SLC26A3: variants seen among roughly 807,000 people sequenced by gnomAD.
SLC26A3 encodes the protein solute carrier family 26 member 3.
Under a neutral mutation model 85.6 loss-of-function variants are expected in SLC26A3, and 64 were observed. The observed-to-expected ratio is 0.75, with a 90% CI of 0.61 to 0.92. SLC26A3 has a LOEUF of 0.92. Ranked by LOEUF, SLC26A3 falls within the 40% of genes least tolerant of loss-of-function variation. SLC26A3 has a pLI of 0.00. For synonymous variants in SLC26A3, 349 were observed against 336.0 expected, an observed-to-expected ratio of 1.04 and a Z score of -0.42; for missense variants, 922 against 927.3, an observed-to-expected ratio of 0.99 and a Z score of 0.07.
In SLC26A3 at chr7:107,789,594, A is replaced by G; in HGVS notation, c.665T>C (p.Leu222Ser). The G allele has an allele frequency of 6.2e-7, 1 of 1,614,164 alleles. No individual in the cohort carries two copies. The highest frequency in any genetic ancestry group is 8.5e-7 in the Non-Finnish European group (1 of 1,180,006). The change falls in exon 6 of 21, where the codon TTG becomes TCG. Residue 222 changes from leucine (L) to serine (S), a missense_variant. Leu to Ser is a moderately radical substitution (Grantham distance 145, BLOSUM62 -2). Transcript: ENST00000340010. ...AAAAATGAATTTGAGTTGGGAAACC[A>G]AAACATGAACAGCAGCAGCAGTAGT... Reference protein sequence around the residue: ...GFTTAAAVHVLVSQLKFIFQL... With the variant: ...GFTTAAAVHVSVSQLKFIFQL...
intron 15 of SLC26A3, among the ~76,000 whole-genome samples, chr7:107,775,540 C>T (rs2115817888): frequency 6.6e-6 from 1 of 152,038 alleles, no homozygotes; most frequent in South Asian, 2.1e-4. Context: ...GCCTGGGCAA[C>T]AAAGCAAGCC....
rs1203528953 is a variant in SLC26A3 at position 107,782,801 on chromosome 7, T to G, written c.1307A>C (p.Gln436Pro). Residue 436 changes from glutamine (Q) to proline (P), a missense_variant, in exon 11 of 21, where the codon CAA becomes CCA. Gln to Pro is a moderately conservative substitution (Grantham distance 76, BLOSUM62 -1). Transcript: ENST00000340010. ...LAIGFLLAPLQKSVLAALALG... is the reference protein window; with the variant it reads ...LAIGFLLAPLPKSVLAALALG... ...GCTATCCAAAGACAGTGTTACCTTT[T>G]GTAGAGGCGCCAGGAGAAATCCAAT... 3 of 1,613,824 alleles carry G rather than the reference T, an allele frequency of 1.9e-6. No individual in the cohort carries two copies. In the African/African-American group the frequency reaches 4.0e-5, roughly 22 times the overall value.
At chr7:107,771,615 G>A (rs939300070) in intron 18 of SLC26A3, among the ~76,000 whole-genome samples, 8 of 152,126 alleles carry the variant, frequency 5.3e-5, no homozygotes, top group Non-Finnish European at 1.0e-4. Context: ...GCTCAGGTAA[G>A]CTGCTGCAGA....
chr7:107,792,885 A>G (rs935222364), intron 3 of SLC26A3, among the ~76,000 whole-genome samples: 7 of 152,248 alleles, frequency 4.6e-5, no homozygotes, highest in African/African-American at 1.7e-4. Context: ...AACACTTGCA[A>G]CTCCACAACA....
At chr7:107,789,400 A>T in intron 6 of SLC26A3, 124 bp downstream of exon 6, 1 of 978,514 alleles carries the variant, frequency 1.0e-6, no homozygotes, top group Non-Finnish European at 1.6e-6. Flanking sequence ...TTTCTTTTTT[A>T]ATATGAAAAA....
rs200940608 is a variant in SLC26A3, at chr7:107,793,866, C to A, written c.147G>T (p.Lys49Asn). Residue 49 changes from lysine (K) to asparagine (N), a missense_variant, in exon 3 of 21, where the codon AAG becomes AAT. Coordinates refer to ENST00000340010, the MANE Select transcript of SLC26A3 (RefSeq NM_000111.3). Reference sequence around the variant, plus strand: ...ACAAAGAGAGGACAATTCTCTTGGCCTTTTGTGGGGAACAGCTGAAAACAT... The same window carrying A: ...ACAAAGAGAGGACAATTCTCTTGGCATTTTGTGGGGAACAGCTGAAAACAT... ...LKVCCSCSPQ[K>N]AKRIVLSLFP... 6.8e-5 allele frequency: 110 copies of A among 1,613,932 alleles called. No homozygotes were observed. Among genetic ancestry groups the A allele is most frequent in the Non-Finnish European group, 9.0e-5 (106 of 1,179,978 alleles).
At chr7:107,780,467 A>C (rs1309629060) in intron 11 of SLC26A3, among the ~76,000 whole-genome samples, 2 of 152,186 alleles carry the variant, frequency 1.3e-5, no homozygotes. Flanking sequence ...AAAATGCTGA[A>C]TAGCTAAGTA....
At position 107,770,018 on chromosome 7, in the gene SLC26A3, C is replaced by CTTTCTCT. The variant is rs1554377097; in HGVS notation, c.2062+2035_2062+2036insAGAGAAA. 2.2e-3 allele frequency among the ~76,000 whole-genome samples: 83 copies of CTTTCTCT among 38,426 alleles called. 1 individual carries two copies. The highest frequency in any genetic ancestry group is 3.2e-3 in the Non-Finnish European group (70 of 21,996). 25.2% of individuals were successfully genotyped at this position (38,426 alleles called of 152,430 possible). ...CTTTTTTCTCTTTCTTTCTTTCTTT[C>CTTTCTCT]TTTCTTTCTTTCTTTCTTTCTTTCT... On this transcript the variant is annotated intron_variant, in intron 18 of 20. Transcript: ENST00000340010.
At chr7:107,800,127 C>T (rs1486694855) in intron 1 of SLC26A3, among the ~76,000 whole-genome samples, 2 of 152,178 alleles carry the variant, frequency 1.3e-5, no homozygotes, top group African/African-American at 4.8e-5. Context: ...TTTAACAGTT[C>T]CGTATCTCTG....
At chr7:107,770,905 G>A (rs987657529) in intron 18 of SLC26A3, among the ~76,000 whole-genome samples, 8 of 152,266 alleles carry the variant, frequency 5.3e-5, no homozygotes, top group South Asian at 4.2e-4. Context: ...CTGAAGACCC[G>A]GTGCTCTGCC....
chr7:107,794,801 T>C (rs1415371839), intron 1 of SLC26A3, among the ~76,000 whole-genome samples: 2 of 152,252 alleles, frequency 1.3e-5, no homozygotes, highest in East Asian at 3.8e-4. Flanking sequence ...AAGAGCTTTA[T>C]TTTTTAATTT....
At chr7:107,776,426 A>G (rs1015797241) in intron 15 of SLC26A3, 26 bp downstream of exon 15, 3 of 1,574,568 alleles carry the variant, frequency 1.9e-6, no homozygotes, top group Non-Finnish European at 2.6e-6. Context: ...TTACAAGGAA[A>G]AAAATTAAAT....
At chr7:107,790,587 G>C (rs953053034) in intron 5 of SLC26A3, among the ~76,000 whole-genome samples, 1 of 152,046 alleles carries the variant, frequency 6.6e-6, no homozygotes, top group African/African-American at 2.4e-5. Flanking sequence ...ATCCTCGTCA[G>C]TTTTCCCCAA....
chr7:107,788,313 A>T (rs1406341734), intron 6 of SLC26A3, among the ~76,000 whole-genome samples: 4 of 152,212 alleles, frequency 2.6e-5, no homozygotes, highest in Non-Finnish European at 5.9e-5. Context: ...AAAATAATCT[A>T]TGTTATTAAA....
At chr7:107,782,942 A>T (rs995702620) in intron 10 of SLC26A3, 38 bp downstream of exon 10, 2 of 1,609,816 alleles carry the variant, frequency 1.2e-6, no homozygotes, top group Non-Finnish European at 1.7e-6. Context: ...CTAGTTACTA[A>T]CGCTAGGACA....
chr7:107,765,848 A>T lies in SLC26A3; in HGVS notation c.*7T>A. 6.2e-7 allele frequency: 1 copy of T among 1,607,238 alleles called. No homozygotes were observed. Among genetic ancestry groups the T allele is most frequent in the Non-Finnish European group, 8.5e-7 (1 of 1,174,142 alleles). On this transcript the variant is annotated 3_prime_UTR_variant, in exon 21 of 21. Coordinates refer to ENST00000340010, the MANE Select transcript of SLC26A3 (RefSeq NM_000111.3). The stretch of plus-strand genomic sequence containing the variant: ...TCAGATGAAGATCCTTCTGAATTAT[A>T]TGTTGATTAGAATTTTGTTTCAACT...
At chr7:107,794,776 T>C (rs1262879050) in intron 1 of SLC26A3, among the ~76,000 whole-genome samples, 179 bp from the exon 2 acceptor site, 1 of 152,204 alleles carries the variant, frequency 6.6e-6, no homozygotes, top group East Asian at 1.9e-4. Flanking sequence ...ACGTGGCTCT[T>C]TTAGGTAAGT....
In SLC26A3 at chr7:107,767,786, A is replaced by C. The variant is rs1400317062; in HGVS notation, c.2185T>G (p.Ser729Ala). The C allele has an allele frequency of 6.2e-7, 1 of 1,613,930 alleles. No individual in the cohort carries two copies. The highest frequency in any genetic ancestry group is 1.1e-5 in the South Asian group (1 of 91,078). ...HILMKKDYST[S>A]KFNPSQEKDG... is the part of the protein sequence containing the mutation. ...GATACCTGACTGGGATTAAACTTTGAAGTACTGTAATCTTTCTTCATCAAA... is the reference window on the plus strand; with the variant it reads ...GATACCTGACTGGGATTAAACTTTGCAGTACTGTAATCTTTCTTCATCAAA... Residue 729 changes from serine (S) to alanine (A), a missense_variant, in exon 19 of 21, where the codon TCA (serine) becomes GCA (alanine). Coordinates refer to ENST00000340010, the MANE Select transcript of SLC26A3 (RefSeq NM_000111.3).
chr7:107,796,366 C>T (rs776598549), intron 1 of SLC26A3, among the ~76,000 whole-genome samples: 4 of 152,150 alleles, frequency 2.6e-5, no homozygotes, highest in Non-Finnish European at 4.4e-5. Context: ...CTCAGCCTCC[C>T]AAGTTGCTGA....
Sources: gnomAD v4.1 joint callset for allele counts (sites outside exome capture counted in the v4.1 genomes callset) on GRCh38, gnomAD v4.1.1 for gene constraint, MANE v1.5 for transcripts, NCBI Gene and HGNC (gene_info 2026-07-23, HGNC 2026-07-21) for gene names.